The following ATXN1 variants were observed in gnomAD, a reference collection of about 807,000 sequenced individuals.
ATXN1 encodes ataxin-1.
Under a neutral mutation model 56.4 loss-of-function variants are expected in ATXN1, and 8 were observed. The ratio of observed to expected loss-of-function variants is 0.14; its 90% CI spans 0.08 to 0.26. ATXN1 has a LOEUF of 0.26. Among genes scored for constraint, ATXN1 ranks in the 10% least tolerant of loss-of-function variants. The probability of loss-of-function intolerance (pLI) is 1.00; values close to 1 mark genes in which losing one functional copy is unlikely to be tolerated. For synonymous variants in ATXN1, 514 were observed against 494.6 expected (o/e 1.04, Z -0.52); for missense variants, 987 against 1,106.5 (o/e 0.89, Z 1.53).
intron 4 of ATXN1, among the ~76,000 whole-genome samples, chr6:16,537,345 G>C (rs991429415): frequency 6.6e-6 from 1 of 152,074 alleles, no homozygotes; most frequent in African/African-American, 2.4e-5. Context: ...TGATGCCACC[G>C]ACAGGGAGAG....
chr6:16,750,430 G>GA (rs1760675552), intron 2 of ATXN1, among the ~76,000 whole-genome samples: 1 of 152,104 alleles, frequency 6.6e-6, no homozygotes, highest in African/African-American at 2.4e-5. Flanking sequence ...GTAGGTTTAA[G>GA]AAAAAAACTG....
rs370698828 is a variant in ATXN1, at chr6:16,526,064, T to TATAC, written c.-360-3377_-360-3376insGTAT. On this transcript the variant is annotated intron_variant, in intron 4 of 7. Coordinates refer to ENST00000436367, the MANE Select transcript of ATXN1 (RefSeq NM_001128164.2). ...ATCTATATATATATATATATATATA[T>TATAC]ACATACATACAATCTATTTATAATG... 5.3e-5 allele frequency among the ~76,000 whole-genome samples: 7 copies of TATAC among 133,314 alleles called. 1 individual carries two copies. Among genetic ancestry groups the TATAC allele is most frequent in the African/African-American group, 2.2e-4 (7 of 32,550 alleles). 87.5% of individuals were successfully genotyped at this position (133,314 alleles called of 152,430 possible).
chr6:16,475,554 G>A (rs1760310215), intron 6 of ATXN1, among the ~76,000 whole-genome samples: 1 of 152,188 alleles, frequency 6.6e-6, no homozygotes, highest in Non-Finnish European at 1.5e-5. Context: ...CTTTATAGAT[G>A]AAGTAAATAA....
At chr6:16,586,401 A>C (rs1373971303) in intron 3 of ATXN1, among the ~76,000 whole-genome samples, 1 of 152,220 alleles carries the variant, frequency 6.6e-6, no homozygotes, top group African/African-American at 2.4e-5. Context: ...TTTTGAAACT[A>C]CACATGCCTC....
chr6:16,323,492 T>G (rs1227051264), intron 7 of ATXN1, among the ~76,000 whole-genome samples: 1 of 115,036 alleles, frequency 8.7e-6, no homozygotes, highest in Non-Finnish European at 1.6e-5. Context: ...CACTCTGCAC[T>G]CCAGCCTGGG....
chr6:16,549,773 C>T (rs984795657), intron 4 of ATXN1, among the ~76,000 whole-genome samples: 5 of 151,462 alleles, frequency 3.3e-5, no homozygotes, highest in East Asian at 1.9e-4. Context: ...GGTGCATGCC[C>T]GTAATCCCAG....
intron 2 of ATXN1, among the ~76,000 whole-genome samples, chr6:16,673,908 G>A (rs1365320057): frequency 1.3e-5 from 2 of 152,182 alleles, no homozygotes; most frequent in Non-Finnish European, 2.9e-5. Flanking sequence ...ATCAAAAAGT[G>A]TCTCCAAACA....
chr6:16,313,564 T>C (rs1195231119), intron 7 of ATXN1, among the ~76,000 whole-genome samples: 1 of 152,024 alleles, frequency 6.6e-6, no homozygotes, highest in Admixed American at 6.6e-5. Flanking sequence ...TGGAATTTTT[T>C]TTTTTTTTTT....
At chr6:16,351,910 G>A (rs1404516132) in intron 6 of ATXN1, among the ~76,000 whole-genome samples, 2 of 152,140 alleles carry the variant, frequency 1.3e-5, no homozygotes, top group Non-Finnish European at 2.9e-5. Context: ...TGGGAAGTGA[G>A]GTCTCTCTTT....
chr6:16,594,078 T>C (rs1043217357), intron 3 of ATXN1, among the ~76,000 whole-genome samples: 6 of 149,400 alleles, frequency 4.0e-5, no homozygotes, highest in African/African-American at 1.5e-4. Flanking sequence ...GACTAATATA[T>C]ATTAGTCTAC....
chr6:16,462,002 G>T (rs1450278124), intron 6 of ATXN1, among the ~76,000 whole-genome samples: 1 of 152,166 alleles, frequency 6.6e-6, no homozygotes, highest in African/African-American at 2.4e-5. Context: ...CCTCCTACTT[G>T]ATCAGGAAAC....
At chr6:16,643,585 C>CT (rs1302784279) in intron 3 of ATXN1, among the ~76,000 whole-genome samples, 2 of 136,158 alleles carry the variant, frequency 1.5e-5, no homozygotes, top group Non-Finnish European at 3.1e-5. Context: ...GCTGAGATTG[C>CT]ACCACTGCAC....
intron 4 of ATXN1, among the ~76,000 whole-genome samples, chr6:16,542,818 T>C (rs1761740858): frequency 6.6e-6 from 1 of 151,650 alleles, no homozygotes; most frequent in South Asian, 2.1e-4. Flanking sequence ...TATAAATAAG[T>C]CACAGTAAGA....
At chr6:16,355,607 G>A (rs528132275) in intron 6 of ATXN1, among the ~76,000 whole-genome samples, 2 of 151,214 alleles carry the variant, frequency 1.3e-5, no homozygotes, top group East Asian at 3.9e-4. Flanking sequence ...TGTCGCCCAG[G>A]CCGGTGTGAA....
intron 2 of ATXN1, among the ~76,000 whole-genome samples, chr6:16,743,476 T>C (rs1215678508): frequency 6.6e-6 from 1 of 152,188 alleles, no homozygotes; most frequent in Non-Finnish European, 1.5e-5. Context: ...CACAATTATA[T>C]ACATCACAGT....
intron 3 of ATXN1, among the ~76,000 whole-genome samples, chr6:16,643,197 G>A (rs1035466535): frequency 1.3e-5 from 2 of 150,722 alleles, no homozygotes; most frequent in African/African-American, 2.4e-5. Context: ...AGCTTGCAGT[G>A]AGCAGAGATC....
intron 6 of ATXN1, among the ~76,000 whole-genome samples, chr6:16,454,391 G>A (rs1305198970): frequency 1.3e-5 from 2 of 152,036 alleles, no homozygotes; most frequent in Non-Finnish European, 2.9e-5. Flanking sequence ...ATAACATCTG[G>A]GCAGCAGCAT....
At chr6:16,703,407 A>C (rs977736054) in intron 2 of ATXN1, among the ~76,000 whole-genome samples, 10 of 152,160 alleles carry the variant, frequency 6.6e-5, no homozygotes, top group Non-Finnish European at 1.3e-4. Context: ...GTGCAGTACA[A>C]CAACATGGCA....
intron 3 of ATXN1, among the ~76,000 whole-genome samples, chr6:16,649,180 C>A (rs1313550305): frequency 6.6e-6 from 1 of 151,776 alleles, no homozygotes; most frequent in African/African-American, 2.4e-5. Context: ...TTGGAAAGAA[C>A]TTTTGAGGAG....
Sources: allele counts gnomAD v4.1 joint callset (sites outside exome capture counted in the v4.1 genomes callset), GRCh38; gene constraint gnomAD v4.1.1; transcripts MANE v1.5; gene names NCBI Gene and HGNC (gene_info 2026-07-23, HGNC 2026-07-21).